The following EVI5 variants were observed in gnomAD, a reference collection of about 807,000 sequenced individuals.
EVI5 encodes ecotropic viral integration site 5.
Under a neutral mutation model 112.0 loss-of-function variants are expected in EVI5, and 73 were observed. The ratio of observed to expected loss-of-function variants is 0.65; its 90% CI spans 0.54 to 0.79. EVI5 has a LOEUF of 0.79. EVI5 is among the 30% of genes least tolerant of loss of function. The pLI, the probability that EVI5 is intolerant of heterozygous loss-of-function variation, is 0.00. For missense variants in EVI5, 900 were observed against 968.8 expected (o/e 0.93, Z 0.94); for synonymous variants, 305 against 319.9 (o/e 0.95, Z 0.50).
chr1:92,642,972 C>CT (rs1449303806), intron 13 of EVI5, among the ~76,000 whole-genome samples: 4 of 152,184 alleles, frequency 2.6e-5, no homozygotes, highest in Non-Finnish European at 5.9e-5. Context: ...ATAATAAAAA[C>CT]ACCTGAATGA....
At chr1:92,758,326 T>C (rs545788084) in intron 1 of EVI5, among the ~76,000 whole-genome samples, 1 of 152,240 alleles carries the variant, frequency 6.6e-6, no homozygotes, top group South Asian at 2.1e-4. Flanking sequence ...CCCAGCACTC[T>C]GGAAGGCCAA....
intron 19 of EVI5, among the ~76,000 whole-genome samples, chr1:92,555,556 A>C (rs1667542103): frequency 6.6e-6 from 1 of 152,208 alleles, no homozygotes; most frequent in African/African-American, 2.4e-5. Flanking sequence ...AAATAGAAAT[A>C]AGAATAAGCA....
At chr1:92,554,853 C>T (rs758678077) in intron 19 of EVI5, among the ~76,000 whole-genome samples, 11 of 152,132 alleles carry the variant, frequency 7.2e-5, no homozygotes, top group Non-Finnish European at 1.5e-4. Flanking sequence ...CAGTCTCGCA[C>T]ACCTGTAGTC....
chr1:92,596,201 A>T (rs1647811111), intron 18 of EVI5, among the ~76,000 whole-genome samples: 2 of 152,104 alleles, frequency 1.3e-5, no homozygotes, highest in African/African-American at 4.8e-5. Context: ...TACAGAAAAA[A>T]AATACAAAAA....
At chr1:92,688,257 A>C (rs1668892104) in intron 9 of EVI5, among the ~76,000 whole-genome samples, 1 of 152,188 alleles carries the variant, frequency 6.6e-6, no homozygotes, top group Admixed American at 6.5e-5. Flanking sequence ...GCTGGAAACC[A>C]TGATTCTACA....
intron 1 of EVI5, among the ~76,000 whole-genome samples, chr1:92,744,819 T>C (rs1679020470): frequency 1.3e-5 from 2 of 152,216 alleles, no homozygotes; most frequent in African/African-American, 2.4e-5. Flanking sequence ...AATCACATCA[T>C]TAAAAGCTGA....
rs1678239708 is a variant in EVI5 at position 92,740,730 on chromosome 1, G to A, written c.-81-4103C>T. ...CTGTGTAAGTCACTATGCAAAGCAT[G>A]GAGACTGCTATAATTAAAGATAGTA... On this transcript the variant is annotated intron_variant, in intron 1 of 19. Transcript: ENST00000684568. 2.0e-5 allele frequency among the ~76,000 whole-genome samples: 3 copies of A among 152,144 alleles called. No individual in the cohort carries two copies. The South Asian group carries it at 6.2e-4, about 32-fold the overall frequency.
intron 13 of EVI5, among the ~76,000 whole-genome samples, chr1:92,653,936 C>A (rs577261103): frequency 6.6e-6 from 1 of 152,160 alleles, no homozygotes; most frequent in South Asian, 2.1e-4. Context: ...AGATTACATT[C>A]CTGCCTGCCC....
chr1:92,558,296 A>ACAAT (rs1667991741), intron 19 of EVI5, among the ~76,000 whole-genome samples: 1 of 148,644 alleles, frequency 6.7e-6, no homozygotes, highest in African/African-American at 2.5e-5. Flanking sequence ...AGTGATGGCT[A>ACAAT]CAATTATTTT....
chr1:92,685,256 C>A (rs1295040037), intron 9 of EVI5, among the ~76,000 whole-genome samples: 3 of 152,164 alleles, frequency 2.0e-5, no homozygotes, highest in African/African-American at 7.2e-5. Context: ...GAAACTCACT[C>A]AAAACGCACA....
intron 9 of EVI5, among the ~76,000 whole-genome samples, chr1:92,687,601 G>A (rs1236687611): frequency 6.6e-6 from 1 of 152,164 alleles, no homozygotes; most frequent in African/African-American, 2.4e-5. Context: ...GAGTGAACAG[G>A]CAACCTAAAG....
At chr1:92,726,612 G>A (rs923094707) in intron 2 of EVI5, among the ~76,000 whole-genome samples, 2 of 151,982 alleles carry the variant, frequency 1.3e-5, no homozygotes, top group African/African-American at 4.8e-5. Flanking sequence ...TGGATCTAAA[G>A]AAAGGACAGA....
intron 19 of EVI5, among the ~76,000 whole-genome samples, chr1:92,549,047 C>T (rs1310880778): frequency 7.2e-5 from 11 of 152,158 alleles, no homozygotes; most frequent in Non-Finnish European, 7.4e-5. Flanking sequence ...CAAGTCAATC[C>T]TAAGCCAAAA....
chr1:92,689,232 A>G (rs1669074873), intron 9 of EVI5, among the ~76,000 whole-genome samples: 2 of 152,194 alleles, frequency 1.3e-5, no homozygotes, highest in African/African-American at 4.8e-5. Flanking sequence ...GATGCTGAAC[A>G]CAGCTTACTT....
At chr1:92,646,115 C>T (rs997910599) in intron 13 of EVI5, among the ~76,000 whole-genome samples, 4 of 152,254 alleles carry the variant, frequency 2.6e-5, no homozygotes, top group Non-Finnish European at 5.9e-5. Context: ...TTAAATGTGT[C>T]GAGTTTCTTT....
chr1:92,763,934 A>G (rs1269414460), intron 1 of EVI5, among the ~76,000 whole-genome samples: 1 of 152,254 alleles, frequency 6.6e-6, no homozygotes, highest in East Asian at 1.9e-4. Flanking sequence ...CTACCACATC[A>G]TAATTACATG....
intron 2 of EVI5, among the ~76,000 whole-genome samples, chr1:92,727,626 A>T (rs1221332853): frequency 6.6e-6 from 1 of 152,226 alleles, no homozygotes; most frequent in African/African-American, 2.4e-5. Flanking sequence ...ATTTTTTAAA[A>T]AAATAAAATG....
chr1:92,622,493 G>A (rs1026191735), intron 16 of EVI5, among the ~76,000 whole-genome samples: 7 of 152,156 alleles, frequency 4.6e-5, no homozygotes, highest in African/African-American at 4.8e-5. Context: ...TCAATAAATT[G>A]AGGTATAGTC....
intron 18 of EVI5, among the ~76,000 whole-genome samples, chr1:92,580,210 A>T (rs890470717): frequency 6.6e-6 from 1 of 152,228 alleles, no homozygotes; most frequent in Non-Finnish European, 1.5e-5. Context: ...TCCATTTTAG[A>T]GTCATTCTTT....
Sources: allele counts gnomAD v4.1 joint callset (sites outside exome capture counted in the v4.1 genomes callset), GRCh38; gene constraint gnomAD v4.1.1; transcripts MANE v1.5; gene names NCBI Gene and HGNC (gene_info 2026-07-23, HGNC 2026-07-21).